Variants in KAT2A observed in about 807,000 individuals in gnomAD.
KAT2A encodes the protein lysine acetyltransferase 2A.
In KAT2A, 42 loss-of-function variants were observed where a neutral mutation model predicts 95.2. The ratio of observed to expected loss-of-function variants is 0.44; its 90% CI spans 0.34 to 0.57. The LOEUF (loss-of-function observed/expected upper bound fraction) is 0.57, where lower values mean the gene tolerates loss of function less well. KAT2A is among the 20% of genes least tolerant of loss of function. The pLI is 0.01. For synonymous variants in KAT2A, 449 were observed against 448.2 expected (o/e 1.00, Z -0.02); for missense variants, 784 against 1,126.3 (o/e 0.70, Z 4.35).
chr17:42,119,220 C>G lies in KAT2A; in HGVS notation c.1073+25G>C. ...GGAGGATGTGAACTTGGGGCCAAAT[C>G]CTGGTAGGCCAGAAGGAGCCTTACT... On this transcript the variant is annotated intron_variant, in intron 6 of 17. Transcript: ENST00000225916. The surrounding 1 kb of genome is among the most constrained non-coding windows in gnomAD (Gnocchi z 5.3). The G allele has an allele frequency of 6.3e-7, 1 of 1,576,260 alleles. No individual in the cohort carries two copies. The highest frequency in any genetic ancestry group is 8.6e-7 in the Non-Finnish European group (1 of 1,157,314).
At position 42,118,495 on chromosome 17, in the gene KAT2A, G is replaced by C. The variant is rs1052001160; in HGVS notation, c.1074-92C>G. Reference sequence around the variant, plus strand: ...AGGGACTGGAGGCTGGTCAGAGACAGACCCTGCTCTTAGGGAACTGGGGAC... The same window carrying C: ...AGGGACTGGAGGCTGGTCAGAGACACACCCTGCTCTTAGGGAACTGGGGAC... On this transcript the variant is annotated intron_variant, in intron 6 of 17. Coordinates refer to ENST00000225916, the MANE Select transcript of KAT2A (RefSeq NM_021078.3). The C allele has an allele frequency of 4.6e-6, 4 of 870,418 alleles. No individual in the cohort carries two copies. The Admixed American group carries it at 7.5e-5, about 16-fold the overall frequency. 53.9% of individuals were successfully genotyped at this position (870,418 alleles called of 1,614,324 possible).
chr17:42,113,381 T>C lies in KAT2A; in HGVS notation c.*268A>G, dbSNP rs555048967. 307 of 347,814 alleles carry C rather than the reference T, an allele frequency of 8.8e-4. No individual in the cohort carries two copies. The highest frequency in any genetic ancestry group is 6.3e-3 in the African/African-American group (293 of 46,344). The allele number at this position is 347,814 out of a possible 1,614,324, so 21.5% of individuals were successfully genotyped here. On this transcript the variant is annotated 3_prime_UTR_variant, in exon 18 of 18. Coordinates refer to ENST00000225916, the MANE Select transcript of KAT2A (RefSeq NM_021078.3). ...GACCAGGCCTGGGGGCCACCACGGC[T>C]GGGCAAGGTTCATCCCTGGCCACCA...
rs373255391 is a variant in KAT2A at position 42,114,021 on chromosome 17, C to T, written c.2299G>A (p.Glu767Lys). The change falls in exon 17 of 18, where the codon GAG (glutamate) becomes AAG (lysine). Residue 767 changes from glutamate (E) to lysine (K), a missense_variant. Glu to Lys is a moderately conservative substitution (Grantham distance 56). This residue lies in a region of KAT2A where 195 missense variants were observed against 247.1 expected (regional missense o/e 0.79). Transcript: ENST00000225916. The surrounding 1 kb of genome is among the most constrained non-coding windows in gnomAD (Gnocchi z 6.0). ...TCACCAATGGGGAAGCGGATGACCTCGTAGTAGTCAGGGGCCTCCGACTTC... is the reference window on the plus strand; with the variant it reads ...TCACCAATGGGGAAGCGGATGACCTTGTAGTAGTCAGGGGCCTCCGACTTC... ...VKKSEAPDYY[E>K]VIRFPIDLKT... 3.3e-6 allele frequency: 5 copies of T among 1,518,436 alleles called. No individual in the cohort carries two copies. The highest frequency in any genetic ancestry group is 2.4e-5 in the East Asian group (1 of 41,020). 94.1% of individuals were successfully genotyped at this position (1,518,436 alleles called of 1,614,324 possible). A position where few individuals can be genotyped will look rare whatever the true frequency, so the allele number is the denominator to read the frequency against.
Position 42,115,847 on chromosome 17 carries a change from A to G in KAT2A, c.1765-14T>C, listed in dbSNP as rs372855200. 1.6e-4 allele frequency: 235 copies of G among 1,476,480 alleles called. 1 individual carries two copies. In the African/African-American group the frequency reaches 2.7e-3, roughly 17 times the overall value. 91.5% of individuals were successfully genotyped at this position (1,476,480 alleles called of 1,614,324 possible). A position where few individuals can be genotyped will look rare whatever the true frequency, so the allele number is the denominator to read the frequency against. On this transcript the variant is annotated splice_polypyrimidine_tract_variant and intron_variant, in intron 11 of 17. Coordinates refer to ENST00000225916, the MANE Select transcript of KAT2A (RefSeq NM_021078.3). ...GGTCCCATAACCCTGCGGGGGAGGG[A>G]AGCAGGACTCACCAGGAGCTGAGGA...
chr17:42,120,675 C>T, intron 2 of KAT2A, 31 bp downstream of exon 2: 5 of 1,613,258 alleles, frequency 3.1e-6, no homozygotes, highest in Non-Finnish European at 4.2e-6. Context: ...CCAGCACCTG[C>T]CCCCAGCTCC....
Position 42,117,296 on chromosome 17 carries a change from G to A in KAT2A, c.1637+92C>T. 6.5e-7 allele frequency: 1 copy of A among 1,534,698 alleles called. No homozygotes were observed. Among genetic ancestry groups the A allele is most frequent in the Non-Finnish European group, 9.0e-7 (1 of 1,116,422 alleles). ...AAAGGATGAACCTCAGAAGTGGGGA[G>A]CAGGGGATCCCCAATTTTGAGGAGT... On this transcript the variant is annotated intron_variant, in intron 10 of 17. Coordinates refer to ENST00000225916, the MANE Select transcript of KAT2A (RefSeq NM_021078.3). The surrounding 1 kb of genome is among the most constrained non-coding windows in gnomAD (Gnocchi z 8.9).
chr17:42,118,444 A>C, intron 6 of KAT2A, 41 bp from the exon 7 acceptor site: 1 of 1,434,088 alleles, frequency 7.0e-7, no homozygotes, highest in Non-Finnish European at 9.8e-7. Flanking sequence ...TCTGTTCTCC[A>C]GGGTGCAGCC....
At position 42,121,312 on chromosome 17, in the gene KAT2A, C is replaced by G; in HGVS notation, c.-8G>C. ...CTGGGAAGGTTCCGCCATGGCCTCCCCCGCAGCGGAGAGCGGCGCCGCGCT... is the reference window on the plus strand; with the variant it reads ...CTGGGAAGGTTCCGCCATGGCCTCCGCCGCAGCGGAGAGCGGCGCCGCGCT... On this transcript the variant is annotated 5_prime_UTR_variant, in exon 1 of 18. Transcript: ENST00000225916. The G allele has an allele frequency of 2.2e-6, 3 of 1,365,470 alleles. No individual in the cohort carries two copies. The highest frequency in any genetic ancestry group is 2.8e-6 in the Non-Finnish European group (3 of 1,066,918). The allele number at this position is 1,365,470 out of a possible 1,614,324, so 84.6% of individuals were successfully genotyped here.
rs2144026573 is a variant in KAT2A, at chr17:42,114,007, G to A, written c.2313C>T (p.Phe771=). The A allele has an allele frequency of 6.6e-7, 1 of 1,514,790 alleles. No individual in the cohort carries two copies. 93.8% of individuals were successfully genotyped at this position (1,514,790 alleles called of 1,614,324 possible). A position where few individuals can be genotyped will look rare whatever the true frequency, so the allele number is the denominator to read the frequency against. ...GGAATGGAAGGTCCTCACCAATGGG[G>A]AAGCGGATGACCTCGTAGTAGTCAG... ...EAPDYYEVIR[F]PIDLKTMTER... Residue 771 remains phenylalanine, a synonymous_variant, in exon 17 of 18, where the codon TTC becomes TTT. Coordinates refer to ENST00000225916, the MANE Select transcript of KAT2A (RefSeq NM_021078.3). The surrounding 1 kb of genome is among the most constrained non-coding windows in gnomAD (Gnocchi z 6.0).
Position 42,117,013 on chromosome 17 carries a change from G to T in KAT2A, c.1764+22C>A. On this transcript the variant is annotated intron_variant, in intron 11 of 17. Transcript: ENST00000225916. This position sits in a 1 kb window ranked among gnomAD's most constrained non-coding sequence, Gnocchi z 8.9. Reference sequence around the variant, plus strand: ...CAGGAGTGGGCCGTGGACTGGGGCTGGGGCCGGGGAGCCGCGCTCACCTTG... The same window carrying T: ...CAGGAGTGGGCCGTGGACTGGGGCTTGGGCCGGGGAGCCGCGCTCACCTTG... The T allele has an allele frequency of 6.2e-7, 1 of 1,612,724 alleles. No individual in the cohort carries two copies. Among genetic ancestry groups the T allele is most frequent in the Non-Finnish European group, 8.5e-7 (1 of 1,179,730 alleles).
At chr17:42,115,877 C>G (rs1410452935) in intron 11 of KAT2A, 44 bp from the exon 12 acceptor site, 1 of 1,138,538 alleles carries the variant, frequency 8.8e-7, no homozygotes. Context: ...TGAGGATGGG[C>G]CTGGTGCTGG....
chr17:42,121,173 CG>C lies in KAT2A; in HGVS notation c.131del (p.Pro44ArgfsTer22). The C allele has an allele frequency of 7.1e-7, 1 of 1,409,870 alleles. No homozygotes were observed. The highest frequency in any genetic ancestry group is 9.4e-7 in the Non-Finnish European group (1 of 1,063,406). 87.3% of individuals were successfully genotyped at this position (1,409,870 alleles called of 1,614,324 possible). On this transcript the variant is annotated frameshift_variant, in exon 1 of 18. Transcript: ENST00000225916. LOFTEE classifies it high-confidence loss of function. Reference protein sequence around the residue: ...PASAPIPTPTPAPAPAPAAAP... With the variant: ...PASAPIPTPTXAPAPAPAAAP... ...CTGCAGCTGGGGCAGGGGCTGGTGCCGGGGTGGGAGTCGGAATCGGGGCTGA... is the reference window on the plus strand; with the variant it reads ...CTGCAGCTGGGGCAGGGGCTGGTGCCGGGTGGGAGTCGGAATCGGGGCTGA...
chr17:42,115,185 G>A, intron 12 of KAT2A, 150 bp from the exon 13 acceptor site: 1 of 831,622 alleles, frequency 1.2e-6, no homozygotes. Flanking sequence ...GGTTCAAACT[G>A]TCCCTGGAAA....
chr17:42,114,406 G>A lies in KAT2A; in HGVS notation c.2135-12C>T. The A allele has an allele frequency of 6.2e-7, 1 of 1,614,020 alleles. No individual in the cohort carries two copies. Among genetic ancestry groups the A allele is most frequent in the Non-Finnish European group, 8.5e-7 (1 of 1,179,952 alleles). The stretch of plus-strand genomic sequence containing the variant: ...CCAGCCTGTCTCTCCTGCAAAGTGG[G>A]AAGTGGGAGAATGTCTCTAAGAATG... On this transcript the variant is annotated splice_polypyrimidine_tract_variant and intron_variant, in intron 14 of 17. Coordinates refer to ENST00000225916, the MANE Select transcript of KAT2A (RefSeq NM_021078.3). The surrounding 1 kb of genome is among the most constrained non-coding windows in gnomAD (Gnocchi z 6.0).
In KAT2A at chr17:42,120,816, C is replaced by A; in HGVS notation, c.353G>T (p.Cys118Phe). ...GGGGTTTTTCCAGCCATTACACTTA[C>A]AGGTTTCATTGGCCTGGAGGTGGAA... is the stretch of plus-strand genomic sequence containing the variant. ...VFSACKANETCKCNGWKNPKP... is the reference protein window; with the variant it reads ...VFSACKANETFKCNGWKNPKP... Residue 118 changes from cysteine to phenylalanine, a missense_variant, in exon 2 of 18, where the codon TGT becomes TTT. Around this residue, in one of 6 missense-constraint regions of KAT2A, gnomAD observed 208 missense variants for 339.7 expected, o/e 0.61. Transcript: ENST00000225916. 1 of 1,611,912 alleles carries A rather than the reference C, an allele frequency of 6.2e-7. No individual in the cohort carries two copies. The highest frequency in any genetic ancestry group is 8.5e-7 in the Non-Finnish European group (1 of 1,178,872).
In KAT2A at chr17:42,121,285, G is replaced by A. The variant is rs2054336456; in HGVS notation, c.20C>T (p.Ala7Val). 3.6e-6 allele frequency: 5 copies of A among 1,375,634 alleles called. No homozygotes were observed. Among genetic ancestry groups the A allele is most frequent in the South Asian group, 1.7e-5 (1 of 59,344 alleles). 85.2% of individuals were successfully genotyped at this position (1,375,634 alleles called of 1,614,324 possible). A position where few individuals can be genotyped will look rare whatever the true frequency, so the allele number is the denominator to read the frequency against. MAEPSQAPTPAPAAQPR... is the reference protein window; with the variant it reads MAEPSQVPTPAPAAQPR... ...CTGCGCAGCCGGGGCCGGGGTCGGG[G>A]CCTGGGAAGGTTCCGCCATGGCCTC... The change falls in exon 1 of 18, where the codon GCC becomes GTC. Residue 7 changes from alanine to valine, a missense_variant. By Grantham distance (64) the Ala-to-Val change is moderately conservative. This residue lies in a region of KAT2A where 142 missense variants were observed against 123.2 expected (regional missense o/e 1.15). Transcript: ENST00000225916.
Position 42,117,282 on chromosome 17 carries a change from C to T in KAT2A, c.1637+106G>A. The T allele has an allele frequency of 6.4e-7, 1 of 1,554,158 alleles. No homozygotes were observed. The highest frequency in any genetic ancestry group is 8.8e-7 in the Non-Finnish European group (1 of 1,135,782). On this transcript the variant is annotated intron_variant, in intron 10 of 17. Transcript: ENST00000225916. The surrounding 1 kb of genome is among the most constrained non-coding windows in gnomAD (Gnocchi z 8.9). ...AAGTAAGAATGCTCAAAGGATGAACCTCAGAAGTGGGGAGCAGGGGATCCC... is the reference window on the plus strand; with the variant it reads ...AAGTAAGAATGCTCAAAGGATGAACTTCAGAAGTGGGGAGCAGGGGATCCC...
At position 42,121,233 on chromosome 17, in the gene KAT2A, AGGGGCTGGGGACTGAAGGGGCC is replaced by A. The variant is rs1568013988; in HGVS notation, c.50_71del (p.Arg17LeufsTer42). The stretch of plus-strand genomic sequence containing the variant: ...TGGGTGCAGGAGTCGGAGTTGGGGC[AGGGGCTGGGGACTGAAGGGGCC>A]GGGGCTGCGCAGCCGGGGCCGGGGT... On this transcript the variant is annotated frameshift_variant, in exon 1 of 18. Transcript: ENST00000225916. LOFTEE classifies it high-confidence loss of function. The A allele has an allele frequency of 7.7e-7, 1 of 1,303,734 alleles. No individual in the cohort carries two copies. Among genetic ancestry groups the A allele is most frequent in the African/African-American group, 1.6e-5 (1 of 64,214 alleles). 80.8% of individuals were successfully genotyped at this position (1,303,734 alleles called of 1,614,324 possible).
At chr17:42,120,451 G>A in intron 2 of KAT2A, 81 bp from the exon 3 acceptor site, 1 of 1,454,310 alleles carries the variant, frequency 6.9e-7, no homozygotes. Flanking sequence ...AGCCAAGCAA[G>A]ATACACACTC....
Sources: gnomAD v4.1 joint callset for allele counts on GRCh38, gnomAD v4.1.1 for gene constraint, gnomAD v4.1.1 regional missense constraint, Gnocchi (gnomAD v3.1) non-coding constraint, MANE v1.5 for transcripts, NCBI Gene and HGNC (gene_info 2026-07-23, HGNC 2026-07-21) for gene names.